PDGFRL: variants seen among roughly 807,000 people sequenced by gnomAD.
The protein encoded by PDGFRL is platelet-derived growth factor receptor-like protein.
PDGFRL carries 46 observed loss-of-function variants against 37.2 expected under a neutral mutation model. The ratio of observed to expected loss-of-function variants is 1.24; its 90% CI spans 0.98 to 1.58. The LOEUF (loss-of-function observed/expected upper bound fraction) is 1.58, where lower values mean the gene tolerates loss of function less well. PDGFRL is among the 40% of genes most tolerant of loss of function. The pLI is 0.00. For synonymous variants in PDGFRL, 251 were observed against 184.3 expected, an observed-to-expected ratio of 1.36 and a Z score of -2.93; for missense variants, 692 against 467.6, an observed-to-expected ratio of 1.48 and a Z score of -4.43.
intron 2 of PDGFRL, among the ~76,000 whole-genome samples, chr8:17,604,661 A>ACG (rs1804235148): frequency 3.3e-5 from 5 of 152,164 alleles, no homozygotes; most frequent in African/African-American, 1.2e-4. Flanking sequence ...GGTGCAGCAT[A>ACG]CCAGCATGGC....
At chr8:17,622,071 G>T (rs1804647199) in intron 3 of PDGFRL, among the ~76,000 whole-genome samples, 1 of 152,146 alleles carries the variant, frequency 6.6e-6, no homozygotes, top group South Asian at 2.1e-4. Flanking sequence ...AAGCCTCAGT[G>T]GACTGCCTCA....
intron 2 of PDGFRL, among the ~76,000 whole-genome samples, chr8:17,591,837 A>C (rs1585303022): frequency 6.6e-6 from 1 of 152,044 alleles, no homozygotes; most frequent in African/African-American, 2.4e-5. Flanking sequence ...GATTGCTTGA[A>C]CCTGGGAGGC....
rs1805162252 is a variant in PDGFRL, at chr8:17,642,613, G to C, written c.940G>C (p.Asp314His). Residue 314 changes from aspartate to histidine, a missense_variant and splice_region_variant, in exon 6 of 6, where the codon GAT becomes CAT. Asp to His is a moderately conservative substitution (Grantham distance 81). Coordinates refer to ENST00000251630, the MANE Select transcript of PDGFRL (RefSeq NM_001372073.1). The stretch of plus-strand genomic sequence containing the variant: ...AGTCTTTGTGGGTGTCGTTAAACAG[G>C]ATGAAAGGCCTGTGACGATCCAAGA... The part of the protein sequence containing the change: ...EFTWIFPGQK[D>H]ERPVTIQDTW... 7 of 1,600,008 alleles carry C rather than the reference G, an allele frequency of 4.4e-6. No homozygotes were observed. Among genetic ancestry groups the C allele is most frequent in the Non-Finnish European group, 6.0e-6 (7 of 1,167,222 alleles).
intron 5 of PDGFRL, among the ~76,000 whole-genome samples, chr8:17,640,595 C>G (rs1805070555): frequency 6.6e-6 from 1 of 152,092 alleles, no homozygotes; most frequent in Non-Finnish European, 1.5e-5. Context: ...TGGGCTGGTA[C>G]TTAGTGGTGC....
At chr8:17,613,855 T>C (rs1252456016) in intron 2 of PDGFRL, among the ~76,000 whole-genome samples, 1 of 151,960 alleles carries the variant, frequency 6.6e-6, no homozygotes, top group Admixed American at 6.6e-5. Context: ...TGAGACCCCA[T>C]CTCAAAAAAG....
intron 1 of PDGFRL, among the ~76,000 whole-genome samples, chr8:17,585,889 C>T (rs1206654316): frequency 1.3e-5 from 2 of 152,052 alleles, no homozygotes; most frequent in Non-Finnish European, 2.9e-5. Flanking sequence ...CTTTTTCCTG[C>T]TTCCTTCTTG....
upstream of PDGFRL, chr8:17,577,175 C>T (rs1441483649): frequency 1.3e-5 from 21 of 1,557,098 alleles, no homozygotes; most frequent in Non-Finnish European, 1.7e-5. Flanking sequence ...GGAGCCCGCC[C>T]CTCGCCCGCC....
At chr8:17,600,106 A>G (rs757592991) in intron 2 of PDGFRL, among the ~76,000 whole-genome samples, 4 of 152,018 alleles carry the variant, frequency 2.6e-5, no homozygotes, top group Non-Finnish European at 5.9e-5. Flanking sequence ...TCCTCATTGT[A>G]TTCACTTTTT....
chr8:17,631,080 T>G (rs982828624), intron 4 of PDGFRL, among the ~76,000 whole-genome samples: 1 of 152,050 alleles, frequency 6.6e-6, no homozygotes, highest in African/African-American at 2.4e-5. Flanking sequence ...TCCAGAGCTC[T>G]TTTGCCCCGG....
chr8:17,582,997 G>T (rs1803740253), intron 1 of PDGFRL, among the ~76,000 whole-genome samples: 1 of 152,114 alleles, frequency 6.6e-6, no homozygotes, highest in Non-Finnish European at 1.5e-5. Context: ...GTTCCAGATG[G>T]GCGAATAAGA....
At chr8:17,615,290 C>G (rs1469753003) in intron 2 of PDGFRL, among the ~76,000 whole-genome samples, 1 of 144,898 alleles carries the variant, frequency 6.9e-6, no homozygotes, top group Non-Finnish European at 1.5e-5. Context: ...AACTGGATCT[C>G]TCATATTTTT....
intron 2 of PDGFRL, among the ~76,000 whole-genome samples, chr8:17,609,634 T>TAAAAAAAA (rs3040922): frequency 1.6e-4 from 7 of 43,540 alleles, no homozygotes; most frequent in Admixed American, 4.5e-4. Context: ...TGAGACTCTG[T>TAAAAAAAA]AAAAAAAAAA....
intron 2 of PDGFRL, among the ~76,000 whole-genome samples, chr8:17,593,668 G>A (rs13281841): frequency 7.9e-5 from 12 of 151,898 alleles, no homozygotes; most frequent in Non-Finnish European, 1.3e-4. Flanking sequence ...GCTGAGGCGG[G>A]CGGATCACCG....
intron 3 of PDGFRL, among the ~76,000 whole-genome samples, chr8:17,623,119 A>C (rs1804664845): frequency 6.6e-6 from 1 of 152,222 alleles, no homozygotes; most frequent in African/African-American, 2.4e-5. Context: ...AAATACTAGA[A>C]GTACTAATGC....
At chr8:17,627,572 C>G (rs1804758143) in intron 3 of PDGFRL, among the ~76,000 whole-genome samples, 2 of 151,406 alleles carry the variant, frequency 1.3e-5, no homozygotes, top group South Asian at 2.1e-4. Context: ...TGGGTTCAAG[C>G]AATTCTCATG....
At chr8:17,592,916 G>A (rs898408833) in intron 2 of PDGFRL, among the ~76,000 whole-genome samples, 34 of 29,584 alleles carry the variant, frequency 1.1e-3, no homozygotes, top group Middle Eastern at 0.042. Context: ...CCACATACAT[G>A]CACACACACA....
intron 2 of PDGFRL, among the ~76,000 whole-genome samples, chr8:17,595,336 G>T (rs1039243178): frequency 1.4e-4 from 21 of 152,114 alleles, no homozygotes; most frequent in Non-Finnish European, 1.9e-4. Flanking sequence ...GCTCCCAAAG[G>T]TGCCCAGGGT....
At chr8:17,626,074 C>T (rs778487047) in intron 3 of PDGFRL, among the ~76,000 whole-genome samples, 17 of 152,250 alleles carry the variant, frequency 1.1e-4, no homozygotes, top group African/African-American at 2.7e-4. Context: ...CTCTGCTTAT[C>T]GCTTCAGATT....
chr8:17,588,595 C>T (rs899384919), intron 1 of PDGFRL, among the ~76,000 whole-genome samples: 1 of 152,082 alleles, frequency 6.6e-6, no homozygotes, highest in Non-Finnish European at 1.5e-5. Context: ...ATCACTTGAG[C>T]CCAGGAGTTC....
Sources: allele counts gnomAD v4.1 joint callset (sites outside exome capture counted in the v4.1 genomes callset), GRCh38; gene constraint gnomAD v4.1.1; transcripts MANE v1.5; gene names NCBI Gene and HGNC (gene_info 2026-07-23, HGNC 2026-07-21).